Variants in DNAJC15 observed in about 807,000 individuals in gnomAD.
DNAJC15 encodes the protein DnaJ heat shock protein family (Hsp40) member C15, also known as dnaJ homolog subfamily C member 15.
DNAJC15 carries 27 observed loss-of-function variants against 22.4 expected under a neutral mutation model. The observed-to-expected ratio is 1.20, with a 90% CI of 0.89 to 1.66. The LOEUF (loss-of-function observed/expected upper bound fraction) is 1.66, where lower values mean the gene tolerates loss of function less well. Ranked by LOEUF, DNAJC15 falls within the 40% of genes most tolerant of loss-of-function variation. DNAJC15 has a pLI of 0.00. For synonymous variants in DNAJC15, 79 were observed against 63.2 expected (o/e 1.25, Z -1.19); for missense variants, 208 against 187.1 (o/e 1.11, Z -0.65).
intron 1 of DNAJC15, among the ~76,000 whole-genome samples, chr13:43,049,038 C>T (rs1032980903): frequency 3.9e-5 from 6 of 152,008 alleles, no homozygotes; most frequent in South Asian, 4.1e-4. Flanking sequence ...GTGACACTTA[C>T]GGCAGTTTTA....
chr13:43,103,323 A>C (rs192544573), intron 5 of DNAJC15, among the ~76,000 whole-genome samples: 1 of 147,890 alleles, frequency 6.8e-6, no homozygotes, highest in South Asian at 2.1e-4. Flanking sequence ...GTAAAATACA[A>C]TGAAAATGAA....
At chr13:43,076,145 T>C (rs1024717787) in intron 3 of DNAJC15, among the ~76,000 whole-genome samples, 6 of 152,194 alleles carry the variant, frequency 3.9e-5, no homozygotes, top group African/African-American at 1.4e-4. Flanking sequence ...GACTATTTGT[T>C]TTTTTACTGG....
intron 1 of DNAJC15, among the ~76,000 whole-genome samples, chr13:43,046,688 A>G (rs1425523570): frequency 1.3e-5 from 2 of 152,160 alleles, no homozygotes; most frequent in East Asian, 3.9e-4. Flanking sequence ...CTCACATTGT[A>G]CGGGAGCTCT....
intron 1 of DNAJC15, among the ~76,000 whole-genome samples, chr13:43,062,496 A>T (rs2040563623): frequency 1.3e-5 from 2 of 152,180 alleles, no homozygotes; most frequent in Non-Finnish European, 2.9e-5. Context: ...GGAAATAATC[A>T]ACAGAGTGCT....
At chr13:43,039,709 A>G (rs1483648981) in intron 1 of DNAJC15, among the ~76,000 whole-genome samples, 1 of 152,232 alleles carries the variant, frequency 6.6e-6, no homozygotes, top group Non-Finnish European at 1.5e-5. Context: ...TAAGGATACT[A>G]TTTAAACTTG....
chr13:43,103,636 T>C (rs556234065), intron 5 of DNAJC15, among the ~76,000 whole-genome samples: 1 of 152,382 alleles, frequency 6.6e-6, no homozygotes, highest in Admixed American at 6.5e-5. Context: ...GGGTGGAATC[T>C]TGTATGTGTG....
intron 5 of DNAJC15, among the ~76,000 whole-genome samples, chr13:43,100,426 G>T (rs2040762001): frequency 6.6e-6 from 1 of 151,768 alleles, no homozygotes; most frequent in African/African-American, 2.4e-5. Context: ...GAGGCTGGTG[G>T]TCTCAAATTC....
At position 43,048,752 on chromosome 13, in the gene DNAJC15, T is replaced by C. The variant is rs1157248983; in HGVS notation, c.109-16934T>C. ...GTAACTGATTTCATTTTTAAGTATA[T>C]ATGTGCATATATTTATAGAAAGATC... On this transcript the variant is annotated intron_variant, in intron 1 of 5. Coordinates refer to ENST00000379221, the MANE Select transcript of DNAJC15 (RefSeq NM_013238.3). Among the ~76,000 whole-genome samples, 11 of 152,232 alleles carry C rather than the reference T, an allele frequency of 7.2e-5. No homozygotes were observed. The East Asian group carries it at 2.1e-3, about 29-fold the overall frequency.
chr13:43,072,966 A>G (rs182752496), intron 3 of DNAJC15, among the ~76,000 whole-genome samples: 95 of 152,328 alleles, frequency 6.2e-4, no homozygotes, highest in African/African-American at 2.1e-3. Context: ...TTCTAAAGCC[A>G]TTAATTAGCA....
At chr13:43,066,965 T>C (rs2040587337) in intron 2 of DNAJC15, among the ~76,000 whole-genome samples, 1 of 152,248 alleles carries the variant, frequency 6.6e-6, no homozygotes, top group Non-Finnish European at 1.5e-5. Flanking sequence ...TTGCTGAGTC[T>C]GTCATTAACT....
rs80343175 is a variant in DNAJC15, at chr13:43,089,583, G to T, written c.382+3745G>T. 6.8e-3 allele frequency among the ~76,000 whole-genome samples: 1,036 copies of T among 152,328 alleles called. 5 individuals are homozygous for T. Among genetic ancestry groups the T allele is most frequent in the Non-Finnish European group, 6.7e-3 (457 of 68,028 alleles). On this transcript the variant is annotated intron_variant, in intron 5 of 5. Transcript: ENST00000379221. ...TGCTTAAGGACCTGAAGGAAAACTA[G>T]TGTGATAGGAATGTAATAGGCAAAT...
Position 43,065,667 on chromosome 13 carries a change from T to TAAGAAAAAATA in DNAJC15, c.109-19_109-18insAAGAAAAAATA. ...CCAGCATGTTACATCATAAGTAATA[T>TAAGAAAAAATA]TCATTTTTTCTTCCATAGGTAAGAA... is the stretch of plus-strand genomic sequence containing the variant. On this transcript the variant is annotated intron_variant, in intron 1 of 5. Coordinates refer to ENST00000379221, the MANE Select transcript of DNAJC15 (RefSeq NM_013238.3). The TAAGAAAAAATA allele has an allele frequency of 6.2e-7, 1 of 1,605,402 alleles. No homozygotes were observed. Among genetic ancestry groups the TAAGAAAAAATA allele is most frequent in the Admixed American group, 1.7e-5 (1 of 59,884 alleles).
intron 5 of DNAJC15, among the ~76,000 whole-genome samples, chr13:43,089,479 A>G (rs761381681): frequency 5.9e-5 from 9 of 152,358 alleles, no homozygotes; most frequent in Middle Eastern, 3.4e-3. Flanking sequence ...GAGGAGATGT[A>G]CAGGATGAGA....
intron 1 of DNAJC15, among the ~76,000 whole-genome samples, chr13:43,027,990 A>G (rs9533352): frequency 0.3 from 45,774 of 151,700 alleles, 6,949 homozygotes; most frequent in African/African-American, 0.36. Flanking sequence ...TTTACACCAT[A>G]ATGGGAGGCT....
intron 1 of DNAJC15, among the ~76,000 whole-genome samples, chr13:43,055,339 C>T (rs2040525218): frequency 6.6e-6 from 1 of 152,218 alleles, no homozygotes; most frequent in East Asian, 1.9e-4. Context: ...CTGGCACCAC[C>T]CCCGCCACCT....
At chr13:43,084,104 T>C (rs138357541) in intron 4 of DNAJC15, among the ~76,000 whole-genome samples, 66 of 152,290 alleles carry the variant, frequency 4.3e-4, no homozygotes, top group Non-Finnish European at 6.8e-4. Context: ...CTGTTCAAAA[T>C]AGAACTTAAA....
chr13:43,061,176 C>G (rs942616869), intron 1 of DNAJC15, among the ~76,000 whole-genome samples: 1 of 152,038 alleles, frequency 6.6e-6, no homozygotes, highest in African/African-American at 2.4e-5. Context: ...ATAGAATGGG[C>G]CTGTGAGGCT....
Position 43,023,674 on chromosome 13 carries a change from C to T in DNAJC15, c.48C>T (p.Tyr16=). ...CTCCAGTTGGCGAGAGTTTGCGCTACGCTGAGTACTTGCAGCCCTCGGCCA... is the reference window on the plus strand; with the variant it reads ...CTCCAGTTGGCGAGAGTTTGCGCTATGCTGAGTACTTGCAGCCCTCGGCCA... The part of the protein sequence containing the change: ...VIAPVGESLR[Y]AEYLQPSAKR... Residue 16 remains tyrosine, a synonymous_variant, in exon 1 of 6, where the codon TAC becomes TAT. Coordinates refer to ENST00000379221, the MANE Select transcript of DNAJC15 (RefSeq NM_013238.3). 1.9e-6 allele frequency: 3 copies of T among 1,612,916 alleles called. No homozygotes were observed. Among genetic ancestry groups the T allele is most frequent in the Non-Finnish European group, 2.5e-6 (3 of 1,179,586 alleles).
chr13:43,033,659 C>G (rs1482824575), intron 1 of DNAJC15, among the ~76,000 whole-genome samples: 1 of 152,090 alleles, frequency 6.6e-6, no homozygotes, highest in Admixed American at 6.5e-5. Flanking sequence ...GGGATAGTCT[C>G]TACTGGAATT....
Sources: allele counts gnomAD v4.1 joint callset (sites outside exome capture counted in the v4.1 genomes callset), GRCh38; gene constraint gnomAD v4.1.1; transcripts MANE v1.5; gene names NCBI Gene and HGNC (gene_info 2026-07-23, HGNC 2026-07-21).